Variants in COL27A1 observed in about 807,000 individuals in gnomAD.
COL27A1 encodes the protein collagen alpha-1(XXVII) chain.
COL27A1 carries 106 observed loss-of-function variants against 251.3 expected under a neutral mutation model. The ratio of observed to expected loss-of-function variants is 0.42; its 90% confidence interval spans 0.36 to 0.50. COL27A1 has a LOEUF of 0.50. COL27A1 is among the 20% of genes least tolerant of loss of function. The pLI, the probability that COL27A1 is intolerant of heterozygous loss-of-function variation, is 0.00. For synonymous variants in COL27A1, 1,000 were observed against 986.3 expected, an observed-to-expected ratio of 1.01 and a Z score of -0.26; for missense variants, 2,325 against 2,522.8, an observed-to-expected ratio of 0.92 and a Z score of 1.68.
chr9:114,285,333 A>G (rs993180716), intron 41 of COL27A1, among the ~76,000 whole-genome samples: 2 of 152,082 alleles, frequency 1.3e-5, no homozygotes, highest in Non-Finnish European at 2.9e-5. Flanking sequence ...TGATCCCTGG[A>G]CCCTGCCCCC....
intron 12 of COL27A1, among the ~76,000 whole-genome samples, chr9:114,214,771 C>T (rs186694260): frequency 6.6e-6 from 1 of 152,354 alleles, no homozygotes; most frequent in East Asian, 1.9e-4. Context: ...CCTCCTCATA[C>T]CTCCTGCTAA....
At chr9:114,210,713 G>A (rs1245508415) in intron 11 of COL27A1, among the ~76,000 whole-genome samples, 1 of 152,196 alleles carries the variant, frequency 6.6e-6, no homozygotes, top group Non-Finnish European at 1.5e-5. Flanking sequence ...CATAAGCTGG[G>A]TATAGAGAAC....
chr9:114,192,799 C>G (rs185361053), intron 5 of COL27A1, among the ~76,000 whole-genome samples: 1 of 152,240 alleles, frequency 6.6e-6, no homozygotes, highest in South Asian at 2.1e-4. Context: ...AAGCTCATTC[C>G]TTTCCCTTCT....
chr9:114,309,784 A>G (rs999656472), intron 60 of COL27A1, among the ~76,000 whole-genome samples: 1 of 152,180 alleles, frequency 6.6e-6, no homozygotes, highest in Non-Finnish European at 1.5e-5. Flanking sequence ...CTCCCACCCT[A>G]GTCAGGCTAA....
chr9:114,166,101 A>G (rs1336861693), intron 2 of COL27A1, among the ~76,000 whole-genome samples: 1 of 150,432 alleles, frequency 6.6e-6, no homozygotes, highest in East Asian at 2.0e-4. Flanking sequence ...CCATTCATCT[A>G]TCTATCCATC....
chr9:114,286,605 A>G (rs1405056582), intron 41 of COL27A1, among the ~76,000 whole-genome samples: 1 of 152,188 alleles, frequency 6.6e-6, no homozygotes, highest in Non-Finnish European at 1.5e-5. Flanking sequence ...GTATCCTACC[A>G]GATTTCTGGT....
At chr9:114,158,963 T>C (rs76969018) in intron 1 of COL27A1, among the ~76,000 whole-genome samples, 2,624 of 152,340 alleles carry the variant, frequency 0.017, 82 homozygotes, top group African/African-American at 0.06. Flanking sequence ...CAGTTACGCA[T>C]CTTTTCAAAG....
chr9:114,177,974 C>A (rs1827599327), intron 3 of COL27A1, among the ~76,000 whole-genome samples: 1 of 152,158 alleles, frequency 6.6e-6, no homozygotes, highest in South Asian at 2.1e-4. Context: ...GATAATTCCC[C>A]AAGTAAGATA....
chr9:114,249,095 C>T (rs1833350378), intron 24 of COL27A1, among the ~76,000 whole-genome samples: 1 of 152,158 alleles, frequency 6.6e-6, no homozygotes, highest in Admixed American at 6.5e-5. Flanking sequence ...AGATGAGGCT[C>T]AGAGAGACTG....
chr9:114,167,919 C>A lies in COL27A1; in HGVS notation c.364C>A (p.Arg122Ser). The part of the protein sequence containing the change: ...AFLFAVRSQK[R>S]KLQLGLQFLP... ...CCTCTTCGCTGTCCGCAGCCAGAAA[C>A]GCAAGCTGCAGCTGGGCCTGCAGTT... is the stretch of plus-strand genomic sequence containing the variant. The change falls in exon 3 of 61, where the codon CGC (arginine) becomes AGC (serine). Residue 122 changes from arginine (R) to serine (S), a missense_variant. This residue lies in a region of COL27A1 where 1,183 missense variants were observed against 1,144.1 expected (regional missense o/e 1.03). Transcript: ENST00000356083. 1 of 1,611,840 alleles carries A rather than the reference C, an allele frequency of 6.2e-7. No homozygotes were observed. Among genetic ancestry groups the A allele is most frequent in the Non-Finnish European group, 8.5e-7 (1 of 1,179,822 alleles).
At chr9:114,306,821 C>A in intron 58 of COL27A1, 133 bp downstream of exon 58, 2 of 944,096 alleles carry the variant, frequency 2.1e-6, no homozygotes, top group Non-Finnish European at 3.1e-6. Flanking sequence ...GTCATTTATT[C>A]ACTCAGCAGT....
At chr9:114,308,148 T>G (rs146225916) in intron 59 of COL27A1, among the ~76,000 whole-genome samples, 1 of 152,388 alleles carries the variant, frequency 6.6e-6, no homozygotes, top group African/African-American at 2.4e-5. Flanking sequence ...GTGTGAATTA[T>G]GTATGCGAAT....
chr9:114,310,432 A>G, intron 60 of COL27A1, 117 bp from the exon 61 acceptor site: 4 of 1,099,092 alleles, frequency 3.6e-6, no homozygotes, highest in South Asian at 2.8e-5. Flanking sequence ...GGTCATTGCT[A>G]CAATGAAATA....
At chr9:114,184,270 G>A (rs781067925) in intron 5 of COL27A1, among the ~76,000 whole-genome samples, 13 of 152,362 alleles carry the variant, frequency 8.5e-5, no homozygotes, top group Middle Eastern at 3.4e-3. Context: ...AATGGCTTAA[G>A]GGAAGCCCTT....
At chr9:114,159,224 T>C (rs1263411648) in intron 1 of COL27A1, among the ~76,000 whole-genome samples, 1 of 152,254 alleles carries the variant, frequency 6.6e-6, no homozygotes, top group Non-Finnish European at 1.5e-5. Context: ...TCTGATTCCA[T>C]GTCTCCTGTG....
chr9:114,211,575 A>C (rs924625159), intron 12 of COL27A1, among the ~76,000 whole-genome samples: 5 of 152,202 alleles, frequency 3.3e-5, no homozygotes, highest in African/African-American at 9.7e-5. Flanking sequence ...ATGGGAGGAA[A>C]TTGTTTTTCC....
chr9:114,178,449 C>A, intron 4 of COL27A1, 105 bp downstream of exon 4: 3 of 1,018,418 alleles, frequency 2.9e-6, no homozygotes, highest in Non-Finnish European at 3.1e-6. Context: ...GTTCTTCCCT[C>A]CCCCTCTCTG....
chr9:114,183,419 G>A (rs950317825), intron 5 of COL27A1, among the ~76,000 whole-genome samples: 3 of 152,200 alleles, frequency 2.0e-5, no homozygotes, highest in African/African-American at 7.2e-5. Context: ...ATCCTGGGGA[G>A]GGATGTGGAA....
chr9:114,231,969 C>A, intron 16 of COL27A1, 103 bp downstream of exon 16: 1 of 1,060,846 alleles, frequency 9.4e-7, no homozygotes, highest in Non-Finnish European at 1.5e-6. Flanking sequence ...CTCCCCTGCA[C>A]TCTTCCTGCC....
Sources: gnomAD v4.1 joint callset for allele counts (sites outside exome capture counted in the v4.1 genomes callset) on GRCh38, gnomAD v4.1.1 for gene constraint, gnomAD v4.1.1 regional missense constraint, MANE v1.5 for transcripts, NCBI Gene and HGNC (gene_info 2026-07-23, HGNC 2026-07-21) for gene names.